DAAM2: variants seen among roughly 807,000 people sequenced by gnomAD.
DAAM2 encodes the protein disheveled-associated activator of morphogenesis 2.
In DAAM2, 39 loss-of-function variants were observed where a neutral mutation model predicts 120.7. That is an observed-to-expected ratio of 0.32 (90% CI 0.25 to 0.42). The LOEUF (loss-of-function observed/expected upper bound fraction) is 0.42. Ranked by LOEUF, DAAM2 falls within the 10% of genes least tolerant of loss-of-function variation. The pLI is 1.00. For synonymous variants in DAAM2, 488 were observed against 524.9 expected (o/e 0.93, Z 0.96); for missense variants, 1,283 against 1,401.7 (o/e 0.92, Z 1.35).
intron 1 of DAAM2, among the ~76,000 whole-genome samples, chr6:39,825,445 T>C (rs56369844): frequency 1.3e-4 from 15 of 117,484 alleles, no homozygotes; most frequent in African/African-American, 4.7e-4. Context: ...GTCGGGGGGT[T>C]GGTGGGGGGC....
intron 1 of DAAM2, among the ~76,000 whole-genome samples, chr6:39,815,050 G>T (rs1381448487): frequency 6.6e-6 from 1 of 152,224 alleles, no homozygotes; most frequent in Admixed American, 6.5e-5. Flanking sequence ...CCTTAGACCA[G>T]CAGTATCAGA....
chr6:39,879,696 A>C lies in DAAM2; in HGVS notation c.1845+219A>C, dbSNP rs115158882. 3,820 of 627,658 alleles carry C rather than the reference A, an allele frequency of 6.1e-3. 95 individuals carry two copies. The African/African-American group carries it at 0.061, about 10-fold the overall frequency. 38.9% of individuals were successfully genotyped at this position (627,658 alleles called of 1,614,324 possible). ...AGATGCTTGACATTGGGCAATGCTGACGTTGACAAAGTCATCTACAAATGG... is the reference window on the plus strand; with the variant it reads ...AGATGCTTGACATTGGGCAATGCTGCCGTTGACAAAGTCATCTACAAATGG... On this transcript the variant is annotated intron_variant, in intron 14 of 24. Coordinates refer to ENST00000274867, the MANE Select transcript of DAAM2 (RefSeq NM_001201427.2).
chr6:39,814,592 A>C (rs1433627571), intron 1 of DAAM2, among the ~76,000 whole-genome samples: 1 of 152,246 alleles, frequency 6.6e-6, no homozygotes, highest in Admixed American at 6.5e-5. Context: ...CTGCAATTCA[A>C]ACGCGTTCAT....
At chr6:39,813,176 G>GTGTA (rs1554166950) in intron 1 of DAAM2, among the ~76,000 whole-genome samples, 1 of 152,088 alleles carries the variant, frequency 6.6e-6, no homozygotes, top group African/African-American at 2.4e-5. Context: ...GCGTGTGTGT[G>GTGTA]TGTATGTATG....
rs143590149 is a variant in DAAM2, at chr6:39,866,059, A to G, written c.428+985A>G. On this transcript the variant is annotated intron_variant, in intron 5 of 24. Transcript: ENST00000274867. ...TCCCCTGGCGAAAAGCTAGCCATCCATTGCATGGGGATGTGTATGTTGTCT... is the reference window on the plus strand; with the variant it reads ...TCCCCTGGCGAAAAGCTAGCCATCCGTTGCATGGGGATGTGTATGTTGTCT... Among the ~76,000 whole-genome samples the G allele has an allele frequency of 2.8e-3, 422 of 152,272 alleles. 1 individual carries two copies. The highest frequency in any genetic ancestry group is 9.5e-3 in the African/African-American group (395 of 41,562).
rs370276555 is a variant in DAAM2 at position 39,878,386 on chromosome 6, G to A, written c.1361-18G>A. 302 of 1,610,158 alleles carry A rather than the reference G, an allele frequency of 1.9e-4. 1 individual carries two copies. In the South Asian group the frequency reaches 2.1e-3, roughly 11 times the overall value. On this transcript the variant is annotated intron_variant, in intron 12 of 24. Transcript: ENST00000274867. This position sits in a 1 kb window ranked among gnomAD's most constrained non-coding sequence, Gnocchi z 5.0. ...ATTCTCTCCTTCTGTTTCCTCTCCC[G>A]TCCCACCCCCATTCCAGAACACATG...
At chr6:39,848,389 T>C (rs531199229) in intron 1 of DAAM2, among the ~76,000 whole-genome samples, 2 of 152,344 alleles carry the variant, frequency 1.3e-5, no homozygotes, top group East Asian at 3.9e-4. Flanking sequence ...TATCATCTGC[T>C]TGTTTAGTGC....
At position 39,867,315 on chromosome 6, in the gene DAAM2, T is replaced by A. The variant is rs1764471246; in HGVS notation, c.429-195T>A. 3 of 597,732 alleles carry A rather than the reference T, an allele frequency of 5.0e-6. No individual in the cohort carries two copies. The Admixed American group carries it at 8.9e-5, about 18-fold the overall frequency. 37.0% of individuals were successfully genotyped at this position (597,732 alleles called of 1,614,324 possible). ...ACAATGATATGCAAATACAGAGTAT[T>A]TAAAATGCAAATAAGACACAAGTCT... On this transcript the variant is annotated intron_variant, in intron 5 of 24. Transcript: ENST00000274867.
chr6:39,900,877 C>A lies in DAAM2; in HGVS notation c.2812-425C>A, dbSNP rs77744180. Among the ~76,000 whole-genome samples the A allele has an allele frequency of 5.1e-3, 779 of 152,252 alleles. 8 individuals carry two copies. Among genetic ancestry groups the A allele is most frequent in the African/African-American group, 0.017 (725 of 41,526 alleles). On this transcript the variant is annotated intron_variant, in intron 23 of 24. Transcript: ENST00000274867. ...GTTTTATAGCCACCAACTCATCTAA[C>A]CCCCCAACACCACTATGATGTAGAT...
chr6:39,811,832 G>T (rs970901049), intron 1 of DAAM2, among the ~76,000 whole-genome samples: 1 of 152,096 alleles, frequency 6.6e-6, no homozygotes, highest in Non-Finnish European at 1.5e-5. Flanking sequence ...GATGGCTTGA[G>T]AACTCATGGA....
intron 14 of DAAM2, chr6:39,881,903 A>G (rs1393674225): frequency 6.6e-6 from 1 of 152,054 alleles, no homozygotes; most frequent in African/African-American, 2.4e-5. Context: ...AAAATCATGG[A>G]GACTCAGTTT....
At chr6:39,883,021 C>T (rs1344849541) in intron 14 of DAAM2, among the ~76,000 whole-genome samples, 1 of 152,088 alleles carries the variant, frequency 6.6e-6, no homozygotes. Flanking sequence ...CAAGGTTCCC[C>T]AGCTGCGCTC....
chr6:39,854,254 T>A (rs183095000), intron 1 of DAAM2, among the ~76,000 whole-genome samples: 124 of 152,278 alleles, frequency 8.1e-4, no homozygotes, highest in African/African-American at 2.6e-3. Flanking sequence ...GACCCCTCTT[T>A]CCTCCTTTTC....
chr6:39,833,712 T>A (rs747826792), intron 1 of DAAM2, among the ~76,000 whole-genome samples: 4 of 152,206 alleles, frequency 2.6e-5, no homozygotes, highest in Non-Finnish European at 5.9e-5. Context: ...CTATCAGTCT[T>A]CTTTTCCCAG....
At chr6:39,803,239 A>G (rs1761919616) in intron 1 of DAAM2, among the ~76,000 whole-genome samples, 2 of 152,180 alleles carry the variant, frequency 1.3e-5, no homozygotes, top group African/African-American at 4.8e-5. Flanking sequence ...GCATATGTTC[A>G]GCTTTAGGAG....
intron 1 of DAAM2, among the ~76,000 whole-genome samples, chr6:39,852,454 C>CCCAGA (rs1378313503): frequency 4.6e-5 from 7 of 152,174 alleles, no homozygotes; most frequent in Non-Finnish European, 8.8e-5. Flanking sequence ...TGGGTGACTT[C>CCCAGA]ATAAATCTGG....
At chr6:39,869,043 G>A (rs989320977) in intron 7 of DAAM2, 110 bp downstream of exon 7, 5 of 822,622 alleles carry the variant, frequency 6.1e-6, no homozygotes, top group African/African-American at 1.7e-5. Context: ...AACCTGGGAG[G>A]GCTCCTGGGG....
intron 21 of DAAM2, among the ~76,000 whole-genome samples, chr6:39,898,289 G>A (rs1475305306): frequency 6.6e-6 from 1 of 152,202 alleles, no homozygotes; most frequent in Non-Finnish European, 1.5e-5. Context: ...CAGGGGCAGG[G>A]AATAACTCTC....
chr6:39,875,988 G>A (rs1764853678), intron 11 of DAAM2, among the ~76,000 whole-genome samples: 2 of 152,180 alleles, frequency 1.3e-5, no homozygotes, highest in South Asian at 4.1e-4. Flanking sequence ...AAGTATAAGT[G>A]ACAGAGACTA....
Sources: allele counts gnomAD v4.1 joint callset (sites outside exome capture counted in the v4.1 genomes callset), GRCh38; gene constraint gnomAD v4.1.1; non-coding constraint Gnocchi (gnomAD v3.1); transcripts MANE v1.5; gene names NCBI Gene and HGNC (gene_info 2026-07-23, HGNC 2026-07-21).